KIRREL3: variants seen among roughly 807,000 people sequenced by gnomAD.
The protein encoded by KIRREL3 is kin of IRRE-like protein 3.
KIRREL3 carries 36 observed loss-of-function variants against 89.7 expected under a neutral mutation model. That is an observed-to-expected ratio of 0.40 (90% CI 0.31 to 0.53). The LOEUF (loss-of-function observed/expected upper bound fraction) is 0.53. Ranked by LOEUF, KIRREL3 falls within the 20% of genes least tolerant of loss-of-function variation. KIRREL3 has a pLI of 0.49. For synonymous variants in KIRREL3, 445 were observed against 441.4 expected (o/e 1.01, Z -0.10); for missense variants, 864 against 1,056.6 (o/e 0.82, Z 2.53).
rs1946579769 is a variant in KIRREL3 at position 126,684,163 on chromosome 11, G to T, written c.56-121251C>A. 6.6e-6 allele frequency among the ~76,000 whole-genome samples: 1 copy of T among 152,202 alleles called. No homozygotes were observed. The highest frequency in any genetic ancestry group is 1.5e-5 in the Non-Finnish European group (1 of 68,036). On this transcript the variant is annotated intron_variant, in intron 1 of 16. Transcript: ENST00000525144. The surrounding 1 kb of genome is among the most constrained non-coding windows in gnomAD (Gnocchi z 4.2). ...TGGAACTGGACTCTCCCTGTGCAGG[G>T]CTGATGGGAAGGAGGTGTGTGCAAT...
In KIRREL3 at chr11:126,918,145, G is replaced by A. The variant is rs1286062205; in HGVS notation, c.55+82310C>T. On this transcript the variant is annotated intron_variant, in intron 1 of 16. Transcript: ENST00000525144. This position sits in a 1 kb window ranked among gnomAD's most constrained non-coding sequence, Gnocchi z 6.5. Reference sequence around the variant, plus strand: ...ACGGTATGGCAGTTGAAGGACACACGACTTGAGGGAGATGGATGTTACTGA... The same window carrying A: ...ACGGTATGGCAGTTGAAGGACACACAACTTGAGGGAGATGGATGTTACTGA... Among the ~76,000 whole-genome samples, 1 of 152,146 alleles carries A rather than the reference G, an allele frequency of 6.6e-6. No individual in the cohort carries two copies. The highest frequency in any genetic ancestry group is 1.5e-5 in the Non-Finnish European group (1 of 68,032).
intron 1 of KIRREL3, among the ~76,000 whole-genome samples, chr11:126,907,995 C>T (rs1946654845): frequency 6.6e-6 from 1 of 152,108 alleles, no homozygotes; most frequent in South Asian, 2.1e-4. Flanking sequence ...CTTTCTTGAC[C>T]ACCTGTGATG....
intron 2 of KIRREL3, among the ~76,000 whole-genome samples, chr11:126,556,942 T>A (rs189178761): frequency 4.1e-4 from 63 of 151,966 alleles, no homozygotes; most frequent in East Asian, 2.5e-3. Context: ...GTAAGAAAAA[T>A]GAATTTAGAA....
At position 126,508,112 on chromosome 11, in the gene KIRREL3, G is replaced by A. The variant is rs563522811; in HGVS notation, c.433+13203C>T. ...CTTGCCTGCACCACTGAAGCTGCTG[G>A]GTGATCTCTCAGCTGCTAACATTGT... On this transcript the variant is annotated intron_variant, in intron 4 of 16. Transcript: ENST00000525144. The surrounding 1 kb of genome is among the most constrained non-coding windows in gnomAD (Gnocchi z 4.9). 5.5e-4 allele frequency among the ~76,000 whole-genome samples: 83 copies of A among 152,236 alleles called. No homozygotes were observed. The highest frequency in any genetic ancestry group is 4.1e-4 in the South Asian group (2 of 4,824).
rs186398868 is a variant in KIRREL3 at position 126,778,710 on chromosome 11, G to T, written c.56-215798C>A. ...AAAGGTGGTACCAACATACATTCCC[G>T]CTAGTAATGTTCAGAGAGTGCTATG... is the stretch of plus-strand genomic sequence containing the variant. On this transcript the variant is annotated intron_variant, in intron 1 of 16. Coordinates refer to ENST00000525144, the MANE Select transcript of KIRREL3 (RefSeq NM_032531.4). The surrounding 1 kb of genome is among the most constrained non-coding windows in gnomAD (Gnocchi z 4.5). 1.3e-5 allele frequency among the ~76,000 whole-genome samples: 2 copies of T among 152,116 alleles called. No homozygotes were observed. The highest frequency in any genetic ancestry group is 2.9e-5 in the Non-Finnish European group (2 of 68,018).
chr11:126,901,533 G>A (rs762624888), intron 1 of KIRREL3, among the ~76,000 whole-genome samples: 5 of 152,168 alleles, frequency 3.3e-5, no homozygotes, highest in Non-Finnish European at 7.4e-5. Flanking sequence ...GAGCAACGAT[G>A]GAGGATACTG....
chr11:126,881,697 A>G (rs1945504338), intron 1 of KIRREL3, among the ~76,000 whole-genome samples: 1 of 152,112 alleles, frequency 6.6e-6, no homozygotes, highest in African/African-American at 2.4e-5. Flanking sequence ...ACAGGTACCC[A>G]CCACCATACT....
intron 2 of KIRREL3, among the ~76,000 whole-genome samples, chr11:126,543,309 A>G (rs543424281): frequency 2.0e-5 from 3 of 152,288 alleles, no homozygotes; most frequent in East Asian, 3.9e-4. Flanking sequence ...ACTGCCGGAG[A>G]CGCCCAGCCT....
intron 1 of KIRREL3, among the ~76,000 whole-genome samples, chr11:126,770,069 T>C (rs182698146): frequency 6.6e-6 from 1 of 152,130 alleles, no homozygotes; most frequent in East Asian, 1.9e-4. Flanking sequence ...CTCCCGCAAT[T>C]CCAAGCCTTC....
rs540573686 is a variant in KIRREL3 at position 126,653,441 on chromosome 11, T to C, written c.56-90529A>G. On this transcript the variant is annotated intron_variant, in intron 1 of 16. Transcript: ENST00000525144. The surrounding 1 kb of genome is among the most constrained non-coding windows in gnomAD (Gnocchi z 5.4). Reference sequence around the variant, plus strand: ...GCGCCTCACCGTCTTTGCTGTAAGATGGAGATAATGATACCTCATGGGGTT... The same window carrying C: ...GCGCCTCACCGTCTTTGCTGTAAGACGGAGATAATGATACCTCATGGGGTT... 4.6e-5 allele frequency among the ~76,000 whole-genome samples: 7 copies of C among 152,260 alleles called. No individual in the cohort carries two copies. The highest frequency in any genetic ancestry group is 1.7e-4 in the African/African-American group (7 of 41,560).
rs1565487684 is a variant in KIRREL3, at chr11:126,996,356, G to C, written c.55+4099C>G. Among the ~76,000 whole-genome samples, 1 of 152,134 alleles carries C rather than the reference G, an allele frequency of 6.6e-6. No homozygotes were observed. The highest frequency in any genetic ancestry group is 2.4e-5 in the African/African-American group (1 of 41,436). On this transcript the variant is annotated intron_variant, in intron 1 of 16. Coordinates refer to ENST00000525144, the MANE Select transcript of KIRREL3 (RefSeq NM_032531.4). The surrounding 1 kb of genome is among the most constrained non-coding windows in gnomAD (Gnocchi z 4.7). Reference sequence around the variant, plus strand: ...GAGTGTAAGTGTTTCCAAAGTTGCTGTTCACTCCCCACTTTGTTTGCTGAT... The same window carrying C: ...GAGTGTAAGTGTTTCCAAAGTTGCTCTTCACTCCCCACTTTGTTTGCTGAT...
intron 1 of KIRREL3, among the ~76,000 whole-genome samples, chr11:126,882,017 G>A (rs1259056099): frequency 6.6e-6 from 1 of 152,156 alleles, no homozygotes; most frequent in Non-Finnish European, 1.5e-5. Flanking sequence ...GGGTGTGTGT[G>A]TAGGGGGGAT....
rs1033551332 is a variant in KIRREL3, at chr11:126,755,432, G to A, written c.56-192520C>T. On this transcript the variant is annotated intron_variant, in intron 1 of 16. Coordinates refer to ENST00000525144, the MANE Select transcript of KIRREL3 (RefSeq NM_032531.4). This position sits in a 1 kb window ranked among gnomAD's most constrained non-coding sequence, Gnocchi z 4.3. ...CATGAAGAAATTCTAATTTTCAGCA[G>A]TCATGGGTGGAAAATCAATACTACT... Among the ~76,000 whole-genome samples, 2 of 152,160 alleles carry A rather than the reference G, an allele frequency of 1.3e-5. No individual in the cohort carries two copies. Among genetic ancestry groups the A allele is most frequent in the African/African-American group, 4.8e-5 (2 of 41,438 alleles).
chr11:126,853,226 G>C (rs922953186), intron 1 of KIRREL3, among the ~76,000 whole-genome samples: 1 of 152,054 alleles, frequency 6.6e-6, no homozygotes, highest in Non-Finnish European at 1.5e-5. Flanking sequence ...CTAGCTTCTC[G>C]AAGAATTAAG....
chr11:126,446,717 C>T (rs770267294), intron 9 of KIRREL3, 42 bp downstream of exon 9: 7 of 1,570,770 alleles, frequency 4.5e-6, no homozygotes, highest in South Asian at 1.2e-5. Context: ...ACTGTCCCCG[C>T]CCCCTGCCAG....
chr11:126,603,584 T>G (rs927614584), intron 1 of KIRREL3, among the ~76,000 whole-genome samples: 1 of 152,266 alleles, frequency 6.6e-6, no homozygotes, highest in African/African-American at 2.4e-5. Flanking sequence ...CATGCTGAAC[T>G]GGGAGGAACA....
chr11:126,722,506 C>G (rs1010893243), intron 1 of KIRREL3, among the ~76,000 whole-genome samples: 4 of 152,238 alleles, frequency 2.6e-5, no homozygotes, highest in Admixed American at 6.5e-5. Context: ...TCAGTCCACT[C>G]CCTGTTTTTG....
At chr11:126,950,645 CCTT>C (rs1948750583) in intron 1 of KIRREL3, among the ~76,000 whole-genome samples, 1 of 152,202 alleles carries the variant, frequency 6.6e-6, no homozygotes, top group South Asian at 2.1e-4. Flanking sequence ...GTTACATTCT[CCTT>C]AATGTGGATG....
At chr11:126,637,837 A>G (rs1401292794) in intron 1 of KIRREL3, among the ~76,000 whole-genome samples, 2 of 152,254 alleles carry the variant, frequency 1.3e-5, no homozygotes, top group Admixed American at 6.5e-5. Context: ...TGCCAAGCCT[A>G]GCACTGGGCT....
Sources: allele counts gnomAD v4.1 joint callset (sites outside exome capture counted in the v4.1 genomes callset), GRCh38; gene constraint gnomAD v4.1.1; non-coding constraint Gnocchi (gnomAD v3.1); transcripts MANE v1.5; gene names NCBI Gene and HGNC (gene_info 2026-07-23, HGNC 2026-07-21).